The following EXOC3 variants were observed in gnomAD, a reference collection of about 807,000 sequenced individuals.
The protein encoded by EXOC3 is SEC6-like 1.
A neutral mutation model predicts 73.7 loss-of-function variants in EXOC3; 21 were observed. The observed-to-expected ratio is 0.29, with a 90% CI of 0.20 to 0.41. The LOEUF (loss-of-function observed/expected upper bound fraction) is 0.41. Ranked by LOEUF, EXOC3 falls within the 10% of genes least tolerant of loss-of-function variation. The pLI is 1.00. For synonymous variants in EXOC3, 410 were observed against 389.1 expected (o/e 1.05, Z -0.63); for missense variants, 842 against 985.1 (o/e 0.85, Z 1.95).
chr5:446,053 G>A, intron 1 of EXOC3, 97 bp from the exon 2 acceptor site: 2 of 790,088 alleles, frequency 2.5e-6, no homozygotes, highest in Non-Finnish European at 2.1e-6. Flanking sequence ...CTGGATTAAT[G>A]ATCTCAGAGG....
At chr5:460,635 C>CCT (rs1199844538) in intron 7 of EXOC3, among the ~76,000 whole-genome samples, 15 of 152,126 alleles carry the variant, frequency 9.9e-5, no homozygotes, top group Middle Eastern at 3.2e-3. Context: ...TCCCATTGGC[C>CCT]CTCTATCCAT....
intron 3 of EXOC3, among the ~76,000 whole-genome samples, chr5:452,789 G>A (rs76006264): frequency 0.026 from 3,890 of 152,298 alleles, 101 homozygotes; most frequent in Admixed American, 0.056. Flanking sequence ...GGCCACTTCC[G>A]AATTTTTCCT....
At chr5:447,481 G>A in intron 2 of EXOC3, 52 bp from the exon 3 acceptor site, 1 of 1,323,502 alleles carries the variant, frequency 7.6e-7, no homozygotes, top group Non-Finnish European at 1.0e-6. Context: ...TCTTCAGGAG[G>A]CAGCGCATGG....
intron 3 of EXOC3, among the ~76,000 whole-genome samples, chr5:451,102 A>G (rs1737647955): frequency 6.6e-6 from 1 of 152,096 alleles, no homozygotes; most frequent in African/African-American, 2.4e-5. Flanking sequence ...TGTTTTCTAT[A>G]TGCGGTATAA....
At chr5:464,801 C>G in intron 10 of EXOC3, 2 of 474,380 alleles carry the variant, frequency 4.2e-6, no homozygotes, top group South Asian at 5.2e-5. Context: ...CGGTCGTTAT[C>G]AAAGGACAGC....
At chr5:465,662 C>G in intron 11 of EXOC3, 56 bp from the exon 12 acceptor site, 1 of 1,606,226 alleles carries the variant, frequency 6.2e-7, no homozygotes, top group Non-Finnish European at 8.5e-7. Context: ...AATCCAGCTG[C>G]TCCCAGCGCC....
At chr5:451,857 A>G (rs1737667920) in intron 3 of EXOC3, among the ~76,000 whole-genome samples, 2 of 152,214 alleles carry the variant, frequency 1.3e-5, no homozygotes, top group African/African-American at 2.4e-5. Context: ...TTTTTCTTTT[A>G]GCACTTTGAA....
At chr5:445,452 C>T (rs1737478988) in intron 1 of EXOC3, among the ~76,000 whole-genome samples, 1 of 151,762 alleles carries the variant, frequency 6.6e-6, no homozygotes. Flanking sequence ...GGGGTTCACG[C>T]CAGTCTCCTG....
chr5:459,444 A>G lies in EXOC3; in HGVS notation c.1376A>G (p.Asn459Ser). 1 of 1,540,302 alleles carries G rather than the reference A, an allele frequency of 6.5e-7. No homozygotes were observed. Among genetic ancestry groups the G allele is most frequent in the Non-Finnish European group, 8.9e-7 (1 of 1,128,980 alleles). ...CTAGTTTTATGTCTTCAGCAGATGA[A>G]TTCTTTCCTAAGCAGGTATGTCTTT... The part of the protein sequence containing the change: ...KVLVLCLQQM[N>S]SFLSRYKDEA... Residue 459 changes from asparagine (N) to serine (S), a missense_variant, in exon 7 of 13, where the codon AAT (asparagine) becomes AGT (serine). Asn to Ser is a conservative substitution (Grantham distance 46). Transcript: ENST00000512944.
chr5:457,863 C>CTCTCT (rs1297544377), intron 5 of EXOC3, 37 bp from the exon 6 acceptor site: 8 of 1,584,394 alleles, frequency 5.0e-6, no homozygotes, highest in East Asian at 2.3e-5. Context: ...ACCTGCTCTT[C>CTCTCT]TCTCTTCTCT....
rs1726090060 is a variant in EXOC3 at position 453,905 on chromosome 5, C to T, written c.900C>T (p.Cys300=). The T allele has an allele frequency of 6.2e-7, 1 of 1,614,024 alleles. No individual in the cohort carries two copies. The highest frequency in any genetic ancestry group is 8.5e-7 in the Non-Finnish European group (1 of 1,179,900). ...LIVAKNLMVQ[C]FPPHYEIFKN... Reference sequence around the variant, plus strand: ...TCGCCAAAAACCTGATGGTTCAGTGCTTTCCTCCCCACTATGAGATCTTTA... The same window carrying T: ...TCGCCAAAAACCTGATGGTTCAGTGTTTTCCTCCCCACTATGAGATCTTTA... The change falls in exon 4 of 13, where the codon TGC becomes TGT. Residue 300 remains cysteine, a synonymous_variant. Coordinates refer to ENST00000512944, the MANE Select transcript of EXOC3 (RefSeq NM_007277.5).
Position 464,358 on chromosome 5 carries a change from C to A in EXOC3, c.1722C>A (p.Val574=). Reference sequence around the variant, plus strand: ...CAAACGCTGTAGACATTATCTGTGTCACCGTGGAAGACTATTTCAACGATT... The same window carrying A: ...CAAACGCTGTAGACATTATCTGTGTAACCGTGGAAGACTATTTCAACGATT... ...LGSNAVDIIC[V]TVEDYFNDFA... is the part of the protein sequence containing the mutation. Residue 574 remains valine, a synonymous_variant, in exon 10 of 13, where the codon GTC becomes GTA. Coordinates refer to ENST00000512944, the MANE Select transcript of EXOC3 (RefSeq NM_007277.5). 2 of 1,613,578 alleles carry A rather than the reference C, an allele frequency of 1.2e-6. No homozygotes were observed. The highest frequency in any genetic ancestry group is 2.2e-5 in the South Asian group (2 of 91,046).
Position 462,041 on chromosome 5 carries a change from C to T in EXOC3, c.1473C>T (p.Ile491=), listed in dbSNP as rs374688550. The T allele has an allele frequency of 5.2e-5, 83 of 1,609,430 alleles. No homozygotes were observed. In the Middle Eastern group the frequency reaches 9.9e-4, roughly 19 times the overall value. The stretch of plus-strand genomic sequence containing the variant: ...CTCACTGCTACGTTCAGTACATGAT[C>T]GCCATCATCAACAACTGCCAGACCT... ...QHPHCYVQYM[I]AIINNCQTFK... The change falls in exon 8 of 13, where the codon ATC becomes ATT. Residue 491 remains isoleucine (I), a synonymous_variant. Transcript: ENST00000512944.
intron 6 of EXOC3, 80 bp from the exon 7 acceptor site, chr5:459,279 G>C (rs1737913794): frequency 3.6e-6 from 2 of 558,200 alleles, no homozygotes; most frequent in Non-Finnish European, 5.9e-6. Flanking sequence ...GCAGATGGAG[G>C]TTTCATATAA....
At chr5:461,446 C>G (rs191620150) in intron 7 of EXOC3, among the ~76,000 whole-genome samples, 147 of 152,302 alleles carry the variant, frequency 9.7e-4, no homozygotes, top group Non-Finnish European at 1.8e-3. Flanking sequence ...AACCCTGTCT[C>G]TACTAAAAAT....
At chr5:455,189 G>A (rs1652926920) in intron 4 of EXOC3, among the ~76,000 whole-genome samples, 1 of 152,242 alleles carries the variant, frequency 6.6e-6, no homozygotes, top group Non-Finnish European at 1.5e-5. Context: ...AGCCCATGAG[G>A]CAGGAGGCAG....
Position 457,959 on chromosome 5 carries a change from A to G in EXOC3, c.1224A>G (p.Lys408=). Residue 408 remains lysine, a synonymous_variant, in exon 6 of 13, where the codon AAA becomes AAG. Transcript: ENST00000512944. ...AGACAGACAAGAAAGACTGGGTCAA[A>G]GAGACAGAGCCAGAAGCCGACCAGG... ...ALETDKKDWV[K]ETEPEADQDG... The G allele has an allele frequency of 6.2e-7, 1 of 1,612,520 alleles. No homozygotes were observed.
chr5:464,124 G>GACCGAGATGAGC, intron 9 of EXOC3, among the ~76,000 whole-genome samples, 166 bp from the exon 10 acceptor site: 1 of 148,790 alleles, frequency 6.7e-6, no homozygotes, highest in South Asian at 2.2e-4. Flanking sequence ...TCCCTCCCAC[G>GACCGAGATGAGC]CTGCACGCAG....
At chr5:455,866 A>G (rs969587381) in intron 4 of EXOC3, among the ~76,000 whole-genome samples, 2 of 152,092 alleles carry the variant, frequency 1.3e-5, no homozygotes, top group African/African-American at 4.8e-5. Flanking sequence ...GGCTTCCCAA[A>G]GTGCTGGGAT....
Sources: gnomAD v4.1 joint callset for allele counts (sites outside exome capture counted in the v4.1 genomes callset) on GRCh38, gnomAD v4.1.1 for gene constraint, MANE v1.5 for transcripts, NCBI Gene and HGNC (gene_info 2026-07-23, HGNC 2026-07-21) for gene names.